The following PDE1C variants were observed in gnomAD, a reference collection of about 807,000 sequenced individuals.
PDE1C encodes the protein dual specificity calcium/calmodulin-dependent 3',5'-cyclic nucleotide phosphodiesterase 1C.
A neutral mutation model predicts 93.1 loss-of-function variants in PDE1C; 62 were observed. That is an observed-to-expected ratio of 0.67 (90% CI 0.54 to 0.82). The LOEUF (loss-of-function observed/expected upper bound fraction) is 0.82, where lower values mean the gene tolerates loss of function less well. PDE1C is among the 40% of genes least tolerant of loss of function. The probability of loss-of-function intolerance (pLI) is 0.00; values close to 1 mark genes in which losing one functional copy is unlikely to be tolerated. For synonymous variants in PDE1C, 325 were observed against 310.1 expected, an observed-to-expected ratio of 1.05 and a Z score of -0.50; for missense variants, 742 against 884.6, an observed-to-expected ratio of 0.84 and a Z score of 2.04.
chr7:31,802,550 G>A (rs1044221857), intron 16 of PDE1C, among the ~76,000 whole-genome samples: 7 of 151,222 alleles, frequency 4.6e-5, no homozygotes, highest in South Asian at 2.1e-4. Context: ...ATTTTCATAC[G>A]GCATAATTAT....
At chr7:31,998,926 T>C (rs1785109827) in intron 2 of PDE1C, among the ~76,000 whole-genome samples, 1 of 152,192 alleles carries the variant, frequency 6.6e-6, no homozygotes, top group African/African-American at 2.4e-5. Flanking sequence ...ACAGCTGAGG[T>C]TGCTGTGTCA....
the PDE1C span, among the ~76,000 whole-genome samples, chr7:31,658,964 G>C: frequency 6.6e-6 from 1 of 152,092 alleles, no homozygotes; most frequent in South Asian, 2.1e-4. Context: ...TTTCCTAAAT[G>C]TACCAATGCT....
the PDE1C span, among the ~76,000 whole-genome samples, chr7:31,691,922 T>C: frequency 4.6e-5 from 7 of 152,144 alleles, no homozygotes; most frequent in East Asian, 1.9e-4. Flanking sequence ...TCAGCAGGAC[T>C]GGACCTGTAT....
At chr7:31,643,159 C>G in the PDE1C span, 1 of 1,613,854 alleles carries the variant, frequency 6.2e-7, no homozygotes, top group Non-Finnish European at 8.5e-7. Context: ...CAATGAGTCT[C>G]AAAGGTCACC....
chr7:32,200,691 T>G (rs1202480535), intron 2 of PDE1C, among the ~76,000 whole-genome samples: 2 of 152,190 alleles, frequency 1.3e-5, no homozygotes, highest in Non-Finnish European at 2.9e-5. Flanking sequence ...TAAGAACAAG[T>G]ATCCCAACAG....
chr7:32,156,846 T>C (rs1801604087), intron 3 of PDE1C, among the ~76,000 whole-genome samples: 1 of 152,208 alleles, frequency 6.6e-6, no homozygotes, highest in Non-Finnish European at 1.5e-5. Context: ...TCAAAGTGTC[T>C]CCCCAAAGGT....
chr7:31,879,298 T>G (rs1428814457), intron 3 of PDE1C, 120 bp from the exon 4 acceptor site: 4 of 999,948 alleles, frequency 4.0e-6, no homozygotes, highest in Admixed American at 5.6e-5. Context: ...CCAAATTAAA[T>G]TGGCCACAAA....
intron 3 of PDE1C, among the ~76,000 whole-genome samples, chr7:32,156,075 C>T (rs962248490): frequency 1.3e-5 from 2 of 152,186 alleles, no homozygotes; most frequent in African/African-American, 4.8e-5. Flanking sequence ...CCTATACTTC[C>T]AATGGCATCA....
At chr7:31,734,690 C>T in the PDE1C span, among the ~76,000 whole-genome samples, 1 of 152,058 alleles carries the variant, frequency 6.6e-6, no homozygotes, top group Non-Finnish European at 1.5e-5. Flanking sequence ...GAAATAAGGG[C>T]GGTGTTGTCC....
At chr7:32,336,029 C>T (rs1783615370) in intron 1 of PDE1C, among the ~76,000 whole-genome samples, 1 of 152,176 alleles carries the variant, frequency 6.6e-6, no homozygotes. Context: ...AACACAGTCA[C>T]ATCTGAGATA....
chr7:31,978,489 T>A lies in PDE1C; in HGVS notation c.128+73065A>T, dbSNP rs1411470097. ...CTAAGTAGGCCAGGTTACTCAGAAG[T>A]GGGTCTTCTAACTCAGAAATTAGTG... On this transcript the variant is annotated intron_variant, in intron 2 of 17. Transcript: ENST00000396191. Among the ~76,000 whole-genome samples the A allele has an allele frequency of 3.9e-5, 6 of 152,176 alleles. No individual in the cohort carries two copies. In the East Asian group the frequency reaches 9.6e-4, roughly 24 times the overall value.
At chr7:31,720,278 T>C in the PDE1C span, among the ~76,000 whole-genome samples, 1 of 149,796 alleles carries the variant, frequency 6.7e-6, no homozygotes, top group Admixed American at 6.7e-5. Flanking sequence ...GCACCCACCT[T>C]ACCGCCCCCC....
chr7:31,742,007 A>T, the PDE1C span, among the ~76,000 whole-genome samples: 7 of 152,188 alleles, frequency 4.6e-5, no homozygotes, highest in Non-Finnish European at 1.0e-4. Flanking sequence ...GAGACCTAAG[A>T]CTGTGTTTTA....
the PDE1C span, among the ~76,000 whole-genome samples, chr7:31,649,288 G>C: frequency 6.6e-6 from 1 of 152,162 alleles, no homozygotes; most frequent in Non-Finnish European, 1.5e-5. Flanking sequence ...ATGTAGTTTA[G>C]AGAGGAAGGG....
chr7:32,266,887 T>G (rs1224985403), intron 1 of PDE1C, among the ~76,000 whole-genome samples: 4 of 106,512 alleles, frequency 3.8e-5, no homozygotes, highest in African/African-American at 1.5e-4. Flanking sequence ...CTGCAATGCC[T>G]GCAAATAAAG....
Position 31,907,668 on chromosome 7 carries a change from T to A in PDE1C, c.129-26808A>T, listed in dbSNP as rs182171969. Among the ~76,000 whole-genome samples, 630 of 152,154 alleles carry A rather than the reference T, an allele frequency of 4.1e-3. 2 individuals are homozygous for A. Among genetic ancestry groups the A allele is most frequent in the Non-Finnish European group, 7.2e-3 (487 of 67,996 alleles). ...CAATTTATTTCAGGGCGAAAAGTAATCTAAATACAAAATAATAAAATATGT... is the reference window on the plus strand; with the variant it reads ...CAATTTATTTCAGGGCGAAAAGTAAACTAAATACAAAATAATAAAATATGT... On this transcript the variant is annotated intron_variant, in intron 2 of 17. Transcript: ENST00000396191.
chr7:32,399,819 A>C (rs1445547611), intron 1 of PDE1C, among the ~76,000 whole-genome samples: 1 of 151,886 alleles, frequency 6.6e-6, no homozygotes, highest in Non-Finnish European at 1.5e-5. Flanking sequence ...CCTAGCCTCA[A>C]GCAATCCTCC....
intron 3 of PDE1C, among the ~76,000 whole-genome samples, chr7:32,159,884 G>C (rs1801805620): frequency 6.6e-6 from 1 of 152,134 alleles, no homozygotes; most frequent in African/African-American, 2.4e-5. Context: ...GCTCTTTGTG[G>C]TTTGGACAGG....
chr7:32,044,671 A>C (rs1197830350), intron 2 of PDE1C, among the ~76,000 whole-genome samples: 1 of 152,186 alleles, frequency 6.6e-6, no homozygotes, highest in Non-Finnish European at 1.5e-5. Flanking sequence ...GGAAAAGCCC[A>C]CAATCCGTTA....
Sources: gnomAD v4.1 joint callset for allele counts (sites outside exome capture counted in the v4.1 genomes callset) on GRCh38, gnomAD v4.1.1 for gene constraint, MANE v1.5 for transcripts, NCBI Gene and HGNC (gene_info 2026-07-23, HGNC 2026-07-21) for gene names.